The following SAMHD1 variants were observed in gnomAD, a reference collection of about 807,000 sequenced individuals.
SAMHD1 encodes the protein deoxynucleoside triphosphate triphosphohydrolase SAMHD1.
In SAMHD1, 54 loss-of-function variants were observed where a neutral mutation model predicts 79.6. That is an observed-to-expected ratio of 0.68 (90% CI 0.55 to 0.85). The LOEUF is 0.85. SAMHD1 is among the 40% of genes least tolerant of loss of function. The probability of loss-of-function intolerance (pLI) is 0.00; values close to 1 mark genes in which losing one functional copy is unlikely to be tolerated. For synonymous variants in SAMHD1, 260 were observed against 264.1 expected (o/e 0.98, Z 0.15); for missense variants, 663 against 782.7 (o/e 0.85, Z 1.82).
At chr20:36,894,238 T>C in intron 15 of SAMHD1, 2 of 234,628 alleles carry the variant, frequency 8.5e-6, no homozygotes, top group Non-Finnish European at 7.9e-6. Context: ...TTAAAAAATG[T>C]GTTATTATTT....
intron 6 of SAMHD1, among the ~76,000 whole-genome samples, chr20:36,920,781 A>C (rs1043374957): frequency 1.0e-4 from 14 of 137,092 alleles, no homozygotes; most frequent in Middle Eastern, 3.8e-3. Context: ...AAAAAAAAAA[A>C]CCCACAAAAA....
intron 6 of SAMHD1, among the ~76,000 whole-genome samples, chr20:36,924,829 ATTACAGTCAG>A (rs2063527062): frequency 6.6e-6 from 1 of 152,048 alleles, no homozygotes. Context: ...TGGGGTTGGT[ATTACAGTCAG>A]TGGGGATAGG....
In SAMHD1 at chr20:36,894,431, C is replaced by CAG. The variant is rs879583557; in HGVS notation, c.1747-1366_1747-1365insCT. Among the ~76,000 whole-genome samples the CAG allele has an allele frequency of 4.0e-3, 598 of 150,868 alleles. 3 individuals are homozygous for CAG. The highest frequency in any genetic ancestry group is 6.9e-3 in the Non-Finnish European group (466 of 67,532). On this transcript the variant is annotated intron_variant, in intron 15 of 15. Transcript: ENST00000646673. ...TATTTTTAGTAGAGATGGGGTTTCA[C>CAG]TATGTTGGCCAGGATGGTCTCGAAC...
chr20:36,935,031 T>G lies in SAMHD1; in HGVS notation c.507A>C (p.Leu169=). The G allele has an allele frequency of 2.5e-6, 4 of 1,613,994 alleles. No individual in the cohort carries two copies. Among genetic ancestry groups the G allele is most frequent in the Non-Finnish European group, 3.4e-6 (4 of 1,179,940 alleles). ...TCCCCACCCCATTCCCTTCTTACCC[T>G]AGACTATGCTCAAATCGATTGTGTG... ...GASHNRFEHS[L]GVGYLAGCLV... Residue 169 remains leucine, a splice_region_variant and synonymous_variant, in exon 4 of 16, where the codon CTA becomes CTC. Coordinates refer to ENST00000646673, the MANE Select transcript of SAMHD1 (RefSeq NM_015474.4).
chr20:36,927,314 CTTT>C (rs529639777), intron 5 of SAMHD1, 62 bp from the exon 6 acceptor site: 12,553 of 743,368 alleles, frequency 0.017, no homozygotes, highest in Middle Eastern at 0.022. Context: ...AAACTTTTTC[CTTT>C]TTTTTTTTTT....
Position 36,892,840 on chromosome 20 carries a change from A to G in SAMHD1, c.*92T>C, listed in dbSNP as rs1245701093. On this transcript the variant is annotated 3_prime_UTR_variant, in exon 16 of 16. Coordinates refer to ENST00000646673, the MANE Select transcript of SAMHD1 (RefSeq NM_015474.4). ...TACATTCAAAATACAAAATTAAAGC[A>G]TGAGTTGTCATTAATTTGCAGAATT... 1.3e-6 allele frequency: 2 copies of G among 1,495,260 alleles called. No homozygotes were observed. Among genetic ancestry groups the G allele is most frequent in the African/African-American group, 1.4e-5 (1 of 72,548 alleles). The allele number at this position is 1,495,260 out of a possible 1,614,324, so 92.6% of individuals were successfully genotyped here.
In SAMHD1 at chr20:36,891,751, G is replaced by A; in HGVS notation, c.*1181C>T. 6.6e-6 allele frequency: 1 copy of A among 152,664 alleles called. No homozygotes were observed. The highest frequency in any genetic ancestry group is 2.4e-5 in the African/African-American group (1 of 41,576). 9.5% of individuals were successfully genotyped at this position (152,664 alleles called of 1,614,324 possible). On this transcript the variant is annotated 3_prime_UTR_variant, in exon 16 of 16. Transcript: ENST00000646673. Reference sequence around the variant, plus strand: ...CACCCAGGCTGGAGTGCAATGGCGTGATCTAGGCTCACTGCAACCTCCGCC... The same window carrying A: ...CACCCAGGCTGGAGTGCAATGGCGTAATCTAGGCTCACTGCAACCTCCGCC...
intron 2 of SAMHD1, among the ~76,000 whole-genome samples, chr20:36,941,446 C>T (rs1412047372): frequency 6.6e-6 from 1 of 152,168 alleles, no homozygotes; most frequent in Non-Finnish European, 1.5e-5. Flanking sequence ...AAGTCAACAT[C>T]TACCCTCATA....
chr20:36,890,396 CTCTTTCTT>C lies in SAMHD1; in HGVS notation c.*2528_*2535del, dbSNP rs10665649. 1 of 142,450 alleles carries C rather than the reference CTCTTTCTT, an allele frequency of 7.0e-6. No homozygotes were observed. The highest frequency in any genetic ancestry group is 2.6e-5 in the African/African-American group (1 of 38,770). The allele number at this position is 142,450 out of a possible 1,614,324, so 8.8% of individuals were successfully genotyped here. ...ATACAAATAGCAAAGATATTTCTTT[CTCTTTCTT>C]TCTTTCTTTCTTTCTTTTCTTTCTC... is the stretch of plus-strand genomic sequence containing the variant. On this transcript the variant is annotated 3_prime_UTR_variant, in exon 16 of 16. Transcript: ENST00000646673.
At chr20:36,941,857 A>G (rs2063646081) in intron 2 of SAMHD1, among the ~76,000 whole-genome samples, 2 of 152,196 alleles carry the variant, frequency 1.3e-5, no homozygotes, top group South Asian at 4.1e-4. Context: ...TAAGAATAAT[A>G]TCTTGGGATA....
chr20:36,922,239 G>A (rs2063510550), intron 6 of SAMHD1, among the ~76,000 whole-genome samples: 1 of 152,142 alleles, frequency 6.6e-6, no homozygotes, highest in Non-Finnish European at 1.5e-5. Context: ...TTTCTATATG[G>A]ACAATTGGTA....
In SAMHD1 at chr20:36,916,945, A is replaced by G. The variant is rs747865613; in HGVS notation, c.953+4T>C. 6.2e-7 allele frequency: 1 copy of G among 1,607,050 alleles called. No homozygotes were observed. Among genetic ancestry groups the G allele is most frequent in the Non-Finnish European group, 8.5e-7 (1 of 1,173,782 alleles). On this transcript the variant is annotated splice_donor_region_variant and intron_variant, in intron 8 of 15. Coordinates refer to ENST00000646673, the MANE Select transcript of SAMHD1 (RefSeq NM_015474.4). ...CCAACTTTTCAGAAGTGTTCAGTGCATACCTGGCAAAATAATCCCATTTGT... is the reference window on the plus strand; with the variant it reads ...CCAACTTTTCAGAAGTGTTCAGTGCGTACCTGGCAAAATAATCCCATTTGT...
chr20:36,921,999 A>G (rs2063509022), intron 6 of SAMHD1, among the ~76,000 whole-genome samples: 1 of 152,106 alleles, frequency 6.6e-6, no homozygotes, highest in Non-Finnish European at 1.5e-5. Flanking sequence ...TGGACACATC[A>G]CTTTTGTGGC....
At chr20:36,921,541 T>C (rs1449943324) in intron 6 of SAMHD1, among the ~76,000 whole-genome samples, 1 of 152,132 alleles carries the variant, frequency 6.6e-6, no homozygotes, top group East Asian at 1.9e-4. Context: ...AACTAGGATT[T>C]ATGTGCCTCC....
intron 1 of SAMHD1, among the ~76,000 whole-genome samples, chr20:36,950,408 T>C (rs190375606): frequency 5.9e-4 from 89 of 151,726 alleles, no homozygotes. Context: ...ATGTTCCTCC[T>C]ACCCCAGTTT....
intron 1 of SAMHD1, among the ~76,000 whole-genome samples, chr20:36,949,188 C>T (rs1308276709): frequency 1.3e-5 from 2 of 150,484 alleles, no homozygotes; most frequent in Non-Finnish European, 3.0e-5. Context: ...CACTTGAACC[C>T]GAGAGGCAGA....
chr20:36,921,186 A>G (rs1568771669), intron 6 of SAMHD1, among the ~76,000 whole-genome samples: 1 of 152,026 alleles, frequency 6.6e-6, no homozygotes, highest in Non-Finnish European at 1.5e-5. Context: ...CGAGGTCAGG[A>G]GATCAAGATC....
At chr20:36,895,720 C>T (rs897245238) in intron 15 of SAMHD1, among the ~76,000 whole-genome samples, 2 of 152,056 alleles carry the variant, frequency 1.3e-5, no homozygotes, top group African/African-American at 2.4e-5. Context: ...AAGTTCCAGT[C>T]TATCTGCAGC....
chr20:36,940,810 G>A, intron 3 of SAMHD1: 1 of 571,806 alleles, frequency 1.7e-6, no homozygotes, highest in Non-Finnish European at 3.1e-6. Context: ...GACAAGTTGG[G>A]TAGTGGTCTA....
Sources: gnomAD v4.1 joint callset for allele counts (sites outside exome capture counted in the v4.1 genomes callset) on GRCh38, gnomAD v4.1.1 for gene constraint, MANE v1.5 for transcripts, NCBI Gene and HGNC (gene_info 2026-07-23, HGNC 2026-07-21) for gene names.